The following RAP1GAP2 variants were observed in gnomAD, a reference collection of about 807,000 sequenced individuals.
The protein encoded by RAP1GAP2 is RAP1 GTPase activating protein 2.
In RAP1GAP2, 27 loss-of-function variants were observed where a neutral mutation model predicts 95.0. The observed-to-expected ratio is 0.28, with a 90% CI of 0.21 to 0.39. The LOEUF is 0.39. Among genes scored for constraint, RAP1GAP2 ranks in the 10% least tolerant of loss-of-function variants. The probability of loss-of-function intolerance (pLI) is 1.00; values close to 1 mark genes in which losing one functional copy is unlikely to be tolerated. For missense variants in RAP1GAP2, 771 were observed against 970.0 expected (o/e 0.79, Z 2.72); for synonymous variants, 373 against 380.9 (o/e 0.98, Z 0.24).
chr17:2,812,379 T>A (rs2069806748), intron 2 of RAP1GAP2, among the ~76,000 whole-genome samples: 2 of 152,156 alleles, frequency 1.3e-5, no homozygotes, highest in Admixed American at 6.5e-5. Flanking sequence ...GCCCATTATC[T>A]CCTGCCCAGT....
At chr17:2,979,323 C>G (rs536640278) in intron 8 of RAP1GAP2, among the ~76,000 whole-genome samples, 5 of 152,218 alleles carry the variant, frequency 3.3e-5, no homozygotes, top group Admixed American at 2.6e-4. Flanking sequence ...AATTTCATGA[C>G]GAAACCCAAA....
At position 2,857,418 on chromosome 17, in the gene RAP1GAP2, CT is replaced by C. The variant is rs1442911631; in HGVS notation, c.81-47864del. 2.0e-5 allele frequency among the ~76,000 whole-genome samples: 3 copies of C among 152,310 alleles called. No individual in the cohort carries two copies. In the East Asian group the frequency reaches 5.8e-4, roughly 29 times the overall value. On this transcript the variant is annotated intron_variant, in intron 2 of 24. Transcript: ENST00000254695. The surrounding 1 kb of genome is among the most constrained non-coding windows in gnomAD (Gnocchi z 4.0). ...CAGAACTAGGAGACTCCCAGCTAGT[CT>C]TGGTAGTTCCCAAGAACTGTGCTCC...
intron 8 of RAP1GAP2, among the ~76,000 whole-genome samples, chr17:2,975,423 A>G (rs1412903476): frequency 1.3e-5 from 2 of 152,214 alleles, no homozygotes; most frequent in African/African-American, 2.4e-5. Context: ...GGAAAAAGAT[A>G]TGCTGGGAAA....
intron 3 of RAP1GAP2, among the ~76,000 whole-genome samples, chr17:2,936,388 C>A (rs1309516935): frequency 6.6e-6 from 1 of 151,370 alleles, no homozygotes; most frequent in Non-Finnish European, 1.5e-5. Context: ...CTGCTCATGA[C>A]CCTGCCAGGG....
intron 1 of RAP1GAP2, among the ~76,000 whole-genome samples, chr17:2,757,293 A>AT (rs1174388656): frequency 4.0e-5 from 6 of 151,704 alleles, no homozygotes; most frequent in East Asian, 1.9e-4. Flanking sequence ...TAATTTTTGT[A>AT]TTTTTTTTGT....
intron 2 of RAP1GAP2, among the ~76,000 whole-genome samples, chr17:2,843,278 C>G (rs575406191): frequency 6.6e-6 from 1 of 151,102 alleles, no homozygotes; most frequent in Admixed American, 6.6e-5. Context: ...AGAAACAACT[C>G]AGTTAATTTC....
At chr17:2,994,397 GACA>G (rs1460647101) in intron 12 of RAP1GAP2, among the ~76,000 whole-genome samples, 1 of 152,204 alleles carries the variant, frequency 6.6e-6, no homozygotes, top group Non-Finnish European at 1.5e-5. Flanking sequence ...AGGCAGAAGG[GACA>G]ACTCCTGGAA....
At chr17:2,996,796 G>A (rs1269644608) in intron 13 of RAP1GAP2, among the ~76,000 whole-genome samples, 3 of 152,228 alleles carry the variant, frequency 2.0e-5, no homozygotes, top group African/African-American at 4.8e-5. Context: ...AAAGATGCGC[G>A]TGGAGTAAGT....
At chr17:3,016,858 G>T (rs2046786693) in intron 17 of RAP1GAP2, among the ~76,000 whole-genome samples, 1 of 152,224 alleles carries the variant, frequency 6.6e-6, no homozygotes, top group Admixed American at 6.5e-5. Context: ...GCGTGCTGGA[G>T]TAGAGGGCCC....
chr17:2,920,014 T>TTC (rs1429492504), intron 3 of RAP1GAP2, among the ~76,000 whole-genome samples: 526 of 149,748 alleles, frequency 3.5e-3, no homozygotes, highest in Non-Finnish European at 5.6e-3. Flanking sequence ...TTTTTTCTTT[T>TTC]TTTTTTTTTT....
Position 2,850,222 on chromosome 17 carries a change from G to A in RAP1GAP2, c.80+49672G>A, listed in dbSNP as rs371894218. ...TCACCATGTTAGCCAGGATGGTCTCGATCTCCTGACCTCATGATCCGCCCG... is the reference window on the plus strand; with the variant it reads ...TCACCATGTTAGCCAGGATGGTCTCAATCTCCTGACCTCATGATCCGCCCG... On this transcript the variant is annotated intron_variant, in intron 2 of 24. Transcript: ENST00000254695. Among the ~76,000 whole-genome samples the A allele has an allele frequency of 3.3e-3, 494 of 150,140 alleles. 18 individuals carry two copies. In the East Asian group the frequency reaches 0.065, roughly 20 times the overall value.
chr17:2,860,995 C>T (rs971548896), intron 2 of RAP1GAP2, among the ~76,000 whole-genome samples: 17 of 152,138 alleles, frequency 1.1e-4, no homozygotes, highest in African/African-American at 3.4e-4. Flanking sequence ...CCCAACTTGT[C>T]GTCCTTTCCT....
chr17:2,832,041 T>G (rs2070877923), intron 2 of RAP1GAP2, among the ~76,000 whole-genome samples: 2 of 150,572 alleles, frequency 1.3e-5, no homozygotes, highest in Non-Finnish European at 3.0e-5. Flanking sequence ...CTGTCTCTAC[T>G]AAAAATACAA....
intron 1 of RAP1GAP2, among the ~76,000 whole-genome samples, chr17:2,798,703 A>T (rs397978788): frequency 6.6e-6 from 1 of 152,064 alleles, no homozygotes; most frequent in Non-Finnish European, 1.5e-5. Flanking sequence ...GCTTCCTGAA[A>T]GGGAAAGGCC....
At chr17:2,881,034 G>T (rs1273990232) in intron 2 of RAP1GAP2, among the ~76,000 whole-genome samples, 1 of 152,150 alleles carries the variant, frequency 6.6e-6, no homozygotes, top group Non-Finnish European at 1.5e-5. Context: ...GCCGAGGCAG[G>T]TGGCTCATTT....
chr17:3,006,014 C>T lies in RAP1GAP2; in HGVS notation c.1332C>T (p.Cys444=). 1 of 1,613,492 alleles carries T rather than the reference C, an allele frequency of 6.2e-7. No individual in the cohort carries two copies. The highest frequency in any genetic ancestry group is 8.5e-7 in the Non-Finnish European group (1 of 1,179,646). The change falls in exon 16 of 25, where the codon TGC becomes TGT. Residue 444 remains cysteine, a synonymous_variant. Coordinates refer to ENST00000254695, the MANE Select transcript of RAP1GAP2 (RefSeq NM_015085.5). ...TKLTNAENAC[C]KSDKFAKLED... ...TCACCAATGCCGAGAACGCCTGCTG[C>T]AAGTCGGACAAGTTTGCAAAGCTGG...
At position 3,004,013 on chromosome 17, in the gene RAP1GAP2, G is replaced by T. The variant is rs2046253744; in HGVS notation, c.1201-1356G>T. On this transcript the variant is annotated intron_variant, in intron 14 of 24. Transcript: ENST00000254695. This position sits in a 1 kb window ranked among gnomAD's most constrained non-coding sequence, Gnocchi z 4.1. ...CTAATGCAGGCTGGAGGAGGAGGGG[G>T]AGTGGGGTGGGAAGGGCAGAGCTGG... Among the ~76,000 whole-genome samples, 1 of 152,076 alleles carries T rather than the reference G, an allele frequency of 6.6e-6. No individual in the cohort carries two copies. Among genetic ancestry groups the T allele is most frequent in the African/African-American group, 2.4e-5 (1 of 41,424 alleles).
intron 11 of RAP1GAP2, among the ~76,000 whole-genome samples, chr17:2,990,513 G>A (rs1020836632): frequency 2.0e-4 from 30 of 151,924 alleles, no homozygotes; most frequent in African/African-American, 6.5e-4. Flanking sequence ...GTGACTCTGC[G>A]TTTAGCCTTT....
chr17:2,792,787 C>T (rs16952391), upstream of RAP1GAP2, among the ~76,000 whole-genome samples: 2,728 of 152,340 alleles, frequency 0.018, 86 homozygotes, highest in African/African-American at 0.061. Flanking sequence ...GTGGCAGCAG[C>T]GGAGGCCTCG....
Sources: allele counts gnomAD v4.1 joint callset (sites outside exome capture counted in the v4.1 genomes callset), GRCh38; gene constraint gnomAD v4.1.1; non-coding constraint Gnocchi (gnomAD v3.1); transcripts MANE v1.5; gene names NCBI Gene and HGNC (gene_info 2026-07-23, HGNC 2026-07-21).